Variants in CFAP47 observed in about 807,000 individuals in gnomAD.
The protein encoded by CFAP47 is cilia and flagella associated protein 47.
A neutral mutation model predicts 148.1 loss-of-function variants in CFAP47; 29 were observed. The ratio of observed to expected loss-of-function variants is 0.20; its 90% CI spans 0.15 to 0.27. CFAP47 has a LOEUF of 0.27. Among genes scored for constraint, CFAP47 ranks in the 10% least tolerant of loss-of-function variants. The pLI is 1.00. For synonymous variants in CFAP47, 664 were observed against 577.3 expected (o/e 1.15, Z -2.15); for missense variants, 1,872 against 1,697.5 (o/e 1.10, Z -1.81).
At chrX:36,346,578 A>G (rs1364856145) in intron 57 of CFAP47, among the ~76,000 whole-genome samples, 3 of 111,572 alleles carry the variant, frequency 2.7e-5, no homozygotes, top group Non-Finnish European at 5.6e-5. Flanking sequence ...CTAAGCAGAG[A>G]CTTGCACCTG....
intron 3 of CFAP47, among the ~76,000 whole-genome samples, chrX:35,945,508 A>G (rs772327190): frequency 3.6e-5 from 4 of 111,190 alleles, no homozygotes; most frequent in Admixed American, 9.6e-5. Context: ...GCTTCCCCCA[A>G]TACTTCTTTT....
At chrX:36,369,163 A>C (rs1941906389) in intron 62 of CFAP47, among the ~76,000 whole-genome samples, 1 of 111,586 alleles carries the variant, frequency 9.0e-6, no homozygotes. Flanking sequence ...TTAGTTCATT[A>C]GATTGCAATA....
intron 47 of CFAP47, among the ~76,000 whole-genome samples, chrX:36,236,303 A>G (rs1391760757): frequency 8.9e-6 from 1 of 112,353 alleles, no homozygotes; most frequent in Non-Finnish European, 1.9e-5. Flanking sequence ...TAGCATTCAA[A>G]TTAATTTTGT....
intron 37 of CFAP47, among the ~76,000 whole-genome samples, chrX:36,154,735 C>G (rs1939346898): frequency 9.1e-6 from 1 of 110,176 alleles, no homozygotes; most frequent in African/African-American, 3.3e-5. Context: ...CAAGCTTTCT[C>G]TACAGCTGTG....
chrX:36,272,477 G>A (rs1318803399), intron 49 of CFAP47, among the ~76,000 whole-genome samples: 1 of 111,380 alleles, frequency 9.0e-6, no homozygotes, highest in Admixed American at 9.5e-5. Context: ...TCTGCACCAT[G>A]ACAATGCTCC....
intron 33 of CFAP47, among the ~76,000 whole-genome samples, chrX:36,117,727 G>A (rs1475234044): frequency 9.0e-6 from 1 of 111,346 alleles, no homozygotes; most frequent in East Asian, 2.8e-4. Context: ...TTTCTTTGCT[G>A]TGCAGAAGCT....
intron 39 of CFAP47, among the ~76,000 whole-genome samples, chrX:36,171,296 G>A (rs1939574525): frequency 9.1e-6 from 1 of 109,931 alleles, no homozygotes; most frequent in Admixed American, 9.7e-5. Flanking sequence ...AAGCTCTTGA[G>A]TTTAATTAGA....
chrX:36,355,187 T>A (rs1941775674), intron 60 of CFAP47, among the ~76,000 whole-genome samples: 1 of 110,768 alleles, frequency 9.0e-6, no homozygotes, highest in Non-Finnish European at 1.9e-5. Context: ...CTCACACCTA[T>A]CACCATGGCT....
At chrX:36,375,618 T>C (rs1942015722) in intron 62 of CFAP47, among the ~76,000 whole-genome samples, 1 of 112,563 alleles carries the variant, frequency 8.9e-6, no homozygotes, top group African/African-American at 3.2e-5. Flanking sequence ...GAAAGTGCAG[T>C]ATTTTGTTTC....
intron 44 of CFAP47, among the ~76,000 whole-genome samples, chrX:36,204,371 T>C (rs1488483091): frequency 9.1e-6 from 1 of 110,045 alleles, no homozygotes; most frequent in Admixed American, 9.8e-5. Flanking sequence ...TAGGTGGGAA[T>C]TGAACAATGA....
intron 49 of CFAP47, among the ~76,000 whole-genome samples, chrX:36,259,862 C>T (rs1940796501): frequency 1.8e-5 from 2 of 111,214 alleles, no homozygotes; most frequent in Non-Finnish European, 1.9e-5. Context: ...ATGCCCTTCT[C>T]CCACTTTTCC....
intron 2 of CFAP47, among the ~76,000 whole-genome samples, chrX:35,933,288 A>G (rs1935859521): frequency 9.5e-6 from 1 of 105,556 alleles, no homozygotes; most frequent in African/African-American, 3.5e-5. Flanking sequence ...CAATTGCTTT[A>G]ATTTTTAGAT....
At chrX:36,226,531 T>A (rs1352588619) in intron 45 of CFAP47, among the ~76,000 whole-genome samples, 2 of 111,810 alleles carry the variant, frequency 1.8e-5, no homozygotes, top group African/African-American at 6.5e-5. Context: ...TTATTTTGGA[T>A]ATTTAAAAAT....
intron 3 of CFAP47, among the ~76,000 whole-genome samples, chrX:35,943,361 A>G (rs1216664727): frequency 8.9e-6 from 1 of 111,762 alleles, no homozygotes; most frequent in Non-Finnish European, 1.9e-5. Context: ...CAGATTTAAC[A>G]TTTCCACATC....
intron 8 of CFAP47, among the ~76,000 whole-genome samples, chrX:35,960,610 T>C (rs1450287509): frequency 3.6e-5 from 4 of 111,122 alleles, no homozygotes; most frequent in Admixed American, 1.9e-4. Flanking sequence ...TTTCTAAATA[T>C]TTTATCCTTA....
chrX:35,950,243 T>C (rs190618906), intron 4 of CFAP47, among the ~76,000 whole-genome samples: 365 of 111,645 alleles, frequency 3.3e-3, no homozygotes, highest in Non-Finnish European at 6.0e-3. Flanking sequence ...TGGGCCTAAA[T>C]TGAAAGATTG....
intron 53 of CFAP47, 102 bp downstream of exon 53, chrX:36,301,281 A>G: frequency 6.4e-6 from 3 of 472,137 alleles, no homozygotes; most frequent in South Asian, 8.0e-5. Flanking sequence ...AAGAATAAAT[A>G]TATCTTTAGT....
At chrX:36,370,674 G>A (rs1556021175) in intron 62 of CFAP47, among the ~76,000 whole-genome samples, 1 of 110,670 alleles carries the variant, frequency 9.0e-6, no homozygotes, top group East Asian at 2.8e-4. Context: ...GCTACACCTA[G>A]GAAGGTATTA....
In CFAP47 at chrX:35,956,190, T is replaced by C. The variant is rs748742312; in HGVS notation, c.1404T>C (p.Gly468=). Residue 468 remains glycine (G), a synonymous_variant, in exon 8 of 64, where the codon GGT becomes GGC. Coordinates refer to ENST00000378653, the MANE Select transcript of CFAP47 (RefSeq NM_001304548.2). The part of the protein sequence containing the change: ...DPEKGKITGG[G]MVDVMCSFVP... ...AAAAGGGCAAGATTACTGGAGGGGGTATGGTGGTAAGATAATTTTTCTTTG... is the reference window on the plus strand; with the variant it reads ...AAAAGGGCAAGATTACTGGAGGGGGCATGGTGGTAAGATAATTTTTCTTTG... The C allele has an allele frequency of 4.5e-5, 54 of 1,196,140 alleles. No individual in the cohort carries two copies. The South Asian group carries it at 9.6e-4, about 21-fold the overall frequency.
Sources: allele counts gnomAD v4.1 joint callset (sites outside exome capture counted in the v4.1 genomes callset), GRCh38; gene constraint gnomAD v4.1.1; transcripts MANE v1.5; gene names NCBI Gene and HGNC (gene_info 2026-07-23, HGNC 2026-07-21).